The following DGKB variants were observed in gnomAD, a reference collection of about 807,000 sequenced individuals.
DGKB encodes 90 kDa diacylglycerol kinase.
In DGKB, 67 loss-of-function variants were observed where a neutral mutation model predicts 114.3. The observed-to-expected ratio is 0.59, with a 90% CI of 0.48 to 0.72. The LOEUF (loss-of-function observed/expected upper bound fraction) is 0.72, where lower values mean the gene tolerates loss of function less well. Among genes scored for constraint, DGKB ranks in the 30% least tolerant of loss-of-function variants. DGKB has a pLI of 0.00. For synonymous variants in DGKB, 398 were observed against 323.1 expected (o/e 1.23, Z -2.49); for missense variants, 907 against 975.2 (o/e 0.93, Z 0.93).
chr7:14,596,317 T>C (rs2128753533), intron 17 of DGKB, among the ~76,000 whole-genome samples: 1 of 152,282 alleles, frequency 6.6e-6, no homozygotes. Context: ...AATGGGATGA[T>C]TAGAAGAATT....
intron 23 of DGKB, among the ~76,000 whole-genome samples, chr7:14,228,727 T>G (rs1294657585): frequency 6.6e-6 from 1 of 152,118 alleles, no homozygotes; most frequent in East Asian, 1.9e-4. Flanking sequence ...AAATTAACAC[T>G]AAGATTTTCA....
Position 14,840,332 on chromosome 7 carries a change from C to T in DGKB, c.70+862G>A, listed in dbSNP as rs187650093. ...TTCTCTATATATTGCTTTTTCTGTA[C>T]TCATCATTTTCCAAGTCTTTTGGTG... On this transcript the variant is annotated intron_variant, in intron 2 of 25. Coordinates refer to ENST00000402815, the MANE Select transcript of DGKB (RefSeq NM_001350709.2). Among the ~76,000 whole-genome samples the T allele has an allele frequency of 2.9e-4, 44 of 151,972 alleles. 1 individual carries two copies. The East Asian group carries it at 7.2e-3, about 25-fold the overall frequency.
intron 21 of DGKB, among the ~76,000 whole-genome samples, chr7:14,430,079 A>G (rs139032479): frequency 2.0e-5 from 3 of 152,218 alleles, no homozygotes; most frequent in African/African-American, 7.2e-5. Flanking sequence ...TTCACAGGAA[A>G]TATGTTTGAC....
chr7:14,479,528 CT>C (rs754425244), intron 20 of DGKB, among the ~76,000 whole-genome samples: 6 of 152,116 alleles, frequency 3.9e-5, no homozygotes, highest in Non-Finnish European at 8.8e-5. Context: ...AAATCCCCCT[CT>C]ACGGTTTAAT....
intron 15 of DGKB, among the ~76,000 whole-genome samples, chr7:14,617,377 C>A (rs1165243754): frequency 6.6e-6 from 1 of 151,572 alleles, no homozygotes; most frequent in Middle Eastern, 3.4e-3. Flanking sequence ...TCTCATAAAC[C>A]CTGTAGTCAA....
chr7:14,933,185 T>C lies in DGKB; in HGVS notation c.-188+41511A>G, dbSNP rs2128251646. Among the ~76,000 whole-genome samples, 4 of 152,304 alleles carry C rather than the reference T, an allele frequency of 2.6e-5. 1 individual carries two copies. The South Asian group carries it at 8.3e-4, about 32-fold the overall frequency. ...TCCCTCCCTTACAATAAATCTTTGT[T>C]TCCCTGTTAATCTACTACTAAAACA... is the stretch of plus-strand genomic sequence containing the variant. On this transcript the variant is annotated intron_variant, in intron 1 of 4. Coordinates refer to the DGKB transcript ENST00000437998.
chr7:14,557,444 T>C (rs897638663), intron 20 of DGKB, among the ~76,000 whole-genome samples: 1 of 152,180 alleles, frequency 6.6e-6, no homozygotes, highest in Non-Finnish European at 1.5e-5. Flanking sequence ...AAAAAAGCTT[T>C]GGGCTTTGTC....
rs146932247 is a variant in DGKB, at chr7:14,185,755, A to C, written c.2123-7604T>G. 9.8e-3 allele frequency among the ~76,000 whole-genome samples: 1,495 copies of C among 152,276 alleles called. 24 individuals are homozygous for C. Among genetic ancestry groups the C allele is most frequent in the African/African-American group, 0.034 (1,404 of 41,558 alleles). On this transcript the variant is annotated intron_variant, in intron 23 of 25. Coordinates refer to ENST00000402815, the MANE Select transcript of DGKB (RefSeq NM_001350709.2). ...GATCTTTGACAAAACAAACAAAAAC[A>C]TAAAGTGGGGGAAAGGACACCCTTT...
intron 17 of DGKB, among the ~76,000 whole-genome samples, chr7:14,585,029 T>C (rs1800529057): frequency 6.6e-6 from 1 of 152,100 alleles, no homozygotes; most frequent in South Asian, 2.1e-4. Flanking sequence ...ATTTGCATCA[T>C]TTAAAAAAAT....
At chr7:14,419,873 C>A (rs932274014) in intron 21 of DGKB, among the ~76,000 whole-genome samples, 3 of 151,942 alleles carry the variant, frequency 2.0e-5, no homozygotes, top group Non-Finnish European at 4.4e-5. Flanking sequence ...CCATGGATTT[C>A]CAAAGAGGAA....
At chr7:14,198,812 G>T (rs1445740750) in intron 23 of DGKB, among the ~76,000 whole-genome samples, 1 of 151,964 alleles carries the variant, frequency 6.6e-6, no homozygotes, top group Admixed American at 6.6e-5. Flanking sequence ...TTAAATGTTG[G>T]ATTTGGAAAA....
At chr7:14,541,527 A>C (rs1793445369) in intron 20 of DGKB, among the ~76,000 whole-genome samples, 1 of 152,192 alleles carries the variant, frequency 6.6e-6, no homozygotes, top group Non-Finnish European at 1.5e-5. Flanking sequence ...AGCACATCTA[A>C]AAGTTAATTT....
chr7:14,848,543 G>A (rs1848940985), intron 1 of DGKB, among the ~76,000 whole-genome samples: 1 of 152,180 alleles, frequency 6.6e-6, no homozygotes, highest in Non-Finnish European at 1.5e-5. Context: ...GATATTTCAA[G>A]AATTGGGAAT....
chr7:14,173,512 A>G (rs1465031979), intron 25 of DGKB, among the ~76,000 whole-genome samples: 1 of 152,206 alleles, frequency 6.6e-6, no homozygotes, highest in Non-Finnish European at 1.5e-5. Flanking sequence ...CTACTAATAG[A>G]AAAAACAGAA....
At chr7:14,880,921 C>T (rs767663814) in intron 1 of DGKB, among the ~76,000 whole-genome samples, 1 of 151,962 alleles carries the variant, frequency 6.6e-6, no homozygotes, top group Non-Finnish European at 1.5e-5. Context: ...TTACAGTAAA[C>T]AAGGCTTCAA....
At chr7:14,630,816 T>C (rs1022103356) in intron 13 of DGKB, among the ~76,000 whole-genome samples, 3 of 151,964 alleles carry the variant, frequency 2.0e-5, no homozygotes, top group Non-Finnish European at 4.4e-5. Flanking sequence ...TTTTTTAAGA[T>C]GGGGTTAAAT....
intron 23 of DGKB, among the ~76,000 whole-genome samples, chr7:14,313,426 C>A (rs888241088): frequency 7.9e-5 from 12 of 151,914 alleles, no homozygotes; most frequent in Middle Eastern, 3.2e-3. Flanking sequence ...GCACAGTGCG[C>A]GAGCCGAAGC....
intron 20 of DGKB, among the ~76,000 whole-genome samples, chr7:14,533,588 G>A (rs547365292): frequency 4.0e-5 from 6 of 151,752 alleles, no homozygotes; most frequent in African/African-American, 7.2e-5. Flanking sequence ...ACAAGTAACC[G>A]AAATAGTTTT....
rs773625201 is a variant in DGKB, at chr7:14,685,279, C to G, written c.795G>C (p.Leu265=). The G allele has an allele frequency of 6.2e-7, 1 of 1,613,778 alleles. No homozygotes were observed. Among genetic ancestry groups the G allele is most frequent in the South Asian group, 1.1e-5 (1 of 91,072 alleles). Residue 265 remains leucine, a synonymous_variant, in exon 10 of 26, where the codon CTG becomes CTC. Coordinates refer to ENST00000402815, the MANE Select transcript of DGKB (RefSeq NM_001350709.2). ...AGAGGCCCTGCTTCCCCACGCCAAT[C>G]AGCATGTTCAGGCAAAGGTTGCAAT... ...PAYCNLCLNM[L]IGVGKQGLCC...
Sources: allele counts gnomAD v4.1 joint callset (sites outside exome capture counted in the v4.1 genomes callset), GRCh38; gene constraint gnomAD v4.1.1; transcripts MANE v1.5; gene names NCBI Gene and HGNC (gene_info 2026-07-23, HGNC 2026-07-21).